The following CAMK2B variants were observed in gnomAD, a reference collection of about 807,000 sequenced individuals.
The protein encoded by CAMK2B is calcium/calmodulin dependent protein kinase II beta.
CAMK2B carries 27 observed loss-of-function variants against 93.7 expected under a neutral mutation model. That is an observed-to-expected ratio of 0.29 (90% confidence interval 0.21 to 0.40). The LOEUF is 0.40. Among genes scored for constraint, CAMK2B ranks in the 10% least tolerant of loss-of-function variants. The pLI, the probability that CAMK2B is intolerant of heterozygous loss-of-function variation, is 1.00. For synonymous variants in CAMK2B, 374 were observed against 358.8 expected, an observed-to-expected ratio of 1.04 and a Z score of -0.48; for missense variants, 568 against 895.8, an observed-to-expected ratio of 0.63 and a Z score of 4.67.
chr7:44,231,595 G>A (rs976232622), intron 16 of CAMK2B, among the ~76,000 whole-genome samples: 5 of 152,252 alleles, frequency 3.3e-5, no homozygotes, highest in South Asian at 2.1e-4. Flanking sequence ...AGGGTGAGGC[G>A]TTCCCAGGAG....
chr7:44,243,148 G>A, intron 8 of CAMK2B, 102 bp downstream of exon 8: 2 of 882,566 alleles, frequency 2.3e-6, no homozygotes, highest in South Asian at 1.6e-5. Context: ...GATAAACCCA[G>A]ATGAGAGCAA....
chr7:44,304,700 G>C (rs981545576), intron 1 of CAMK2B, among the ~76,000 whole-genome samples: 1 of 152,210 alleles, frequency 6.6e-6, no homozygotes, highest in African/African-American at 2.4e-5. Flanking sequence ...ATTTGTCCAA[G>C]CTCATATAAT....
rs9691106 is a variant in CAMK2B, at chr7:44,311,659, G to A, written c.65+13698C>T. Reference sequence around the variant, plus strand: ...CTGTCCTGCCCCTGCGAGCACCACAGCCTGGCTCTGCGGTTCTGAGCTGTG... The same window carrying A: ...CTGTCCTGCCCCTGCGAGCACCACAACCTGGCTCTGCGGTTCTGAGCTGTG... On this transcript the variant is annotated intron_variant, in intron 1 of 23. Coordinates refer to ENST00000395749, the MANE Select transcript of CAMK2B (RefSeq NM_001220.5). This position sits in a 1 kb window ranked among gnomAD's most constrained non-coding sequence, Gnocchi z 4.2. Among the ~76,000 whole-genome samples, 63,673 of 151,978 alleles carry A rather than the reference G, an allele frequency of 0.42. 13,710 individuals carry two copies. Among genetic ancestry groups the A allele is most frequent in the Middle Eastern group, 0.5 (148 of 294 alleles).
chr7:44,235,783 C>CG (rs1562845389), intron 13 of CAMK2B, among the ~76,000 whole-genome samples: 1 of 152,192 alleles, frequency 6.6e-6, no homozygotes, highest in Non-Finnish European at 1.5e-5. Flanking sequence ...TGCTTGCCCC[C>CG]GGGCCAAGCC....
chr7:44,277,057 T>A (rs2097053265), intron 2 of CAMK2B, among the ~76,000 whole-genome samples: 1 of 152,068 alleles, frequency 6.6e-6, no homozygotes. Context: ...CCCGCTGCAC[T>A]GCTTCCTACG....
intron 5 of CAMK2B, among the ~76,000 whole-genome samples, chr7:44,247,712 A>G (rs2096745298): frequency 6.6e-6 from 1 of 152,188 alleles, no homozygotes; most frequent in South Asian, 2.1e-4. Context: ...GTGCTCGGGC[A>G]CATGTTATTT....
At chr7:44,275,589 T>G (rs1193277177) in intron 2 of CAMK2B, among the ~76,000 whole-genome samples, 1 of 152,274 alleles carries the variant, frequency 6.6e-6, no homozygotes, top group Non-Finnish European at 1.5e-5. Context: ...GGTATAAGTT[T>G]GTCTCAATTT....
chr7:44,314,711 C>T (rs538964174), intron 1 of CAMK2B, among the ~76,000 whole-genome samples: 64 of 152,196 alleles, frequency 4.2e-4, no homozygotes, highest in Non-Finnish European at 8.4e-4. Context: ...TCCTCACCAG[C>T]AATGAATGAG....
intron 2 of CAMK2B, 83 bp from the exon 3 acceptor site, chr7:44,263,147 A>C: frequency 7.6e-7 from 1 of 1,323,366 alleles, no homozygotes; most frequent in South Asian, 1.3e-5. Flanking sequence ...AGAGGCCCAC[A>C]AGGGTGTGCC....
intron 1 of CAMK2B, among the ~76,000 whole-genome samples, chr7:44,306,754 G>T (rs112385059): frequency 7.9e-6 from 1 of 126,668 alleles, no homozygotes; most frequent in Non-Finnish European, 1.7e-5. Flanking sequence ...GGAGGGTGTG[G>T]GCAGGGGGAG....
At chr7:44,322,060 T>C (rs575607516) in intron 1 of CAMK2B, among the ~76,000 whole-genome samples, 248 of 152,328 alleles carry the variant, frequency 1.6e-3, no homozygotes, top group African/African-American at 5.4e-3. Flanking sequence ...GGCCACAGTG[T>C]GCTGAGTGAC....
intron 1 of CAMK2B, 37 bp from the exon 2 acceptor site, chr7:44,284,262 GAGAC>G (rs750540366): frequency 1.0e-4 from 146 of 1,407,292 alleles, no homozygotes; most frequent in Middle Eastern, 5.3e-4. Context: ...GACAGAGACA[GAGAC>G]AGACAAGGAG....
rs756807799 is a variant in CAMK2B, at chr7:44,247,195, G to A, written c.342-3C>T. ...CCAGGATCTGCTGGATACAGTGACT[G>A]TGGCAAACAGCAGGTGGGTTAGTGC... is the stretch of plus-strand genomic sequence containing the variant. On this transcript the variant is annotated splice_polypyrimidine_tract_variant and splice_region_variant and intron_variant, in intron 5 of 23. Coordinates refer to ENST00000395749, the MANE Select transcript of CAMK2B (RefSeq NM_001220.5). The A allele has an allele frequency of 2.5e-6, 4 of 1,613,884 alleles. No individual in the cohort carries two copies. The highest frequency in any genetic ancestry group is 4.5e-5 in the East Asian group (2 of 44,880).
At chr7:44,222,229 C>G (rs2096417243) in intron 20 of CAMK2B, among the ~76,000 whole-genome samples, 1 of 152,214 alleles carries the variant, frequency 6.6e-6, no homozygotes, top group South Asian at 2.1e-4. Flanking sequence ...TGGGGGAAGT[C>G]TCTGCACTCC....
At chr7:44,221,214 GTCACC>G (rs1289710779) in intron 20 of CAMK2B, among the ~76,000 whole-genome samples, 2 of 152,222 alleles carry the variant, frequency 1.3e-5, no homozygotes, top group Admixed American at 1.3e-4. Flanking sequence ...CCACTTGGAG[GTCACC>G]TCCTGGCCCC....
In CAMK2B at chr7:44,311,823, C is replaced by T. The variant is rs1054880806; in HGVS notation, c.65+13534G>A. Among the ~76,000 whole-genome samples the T allele has an allele frequency of 2.0e-5, 3 of 152,224 alleles. No homozygotes were observed. The highest frequency in any genetic ancestry group is 2.4e-5 in the African/African-American group (1 of 41,456). The stretch of plus-strand genomic sequence containing the variant: ...GAAGGGGTGTGTGACTGACTCTGCC[C>T]TACCCCCACTCTGGGCAGGGAAGGG... On this transcript the variant is annotated intron_variant, in intron 1 of 23. Transcript: ENST00000395749. This position sits in a 1 kb window ranked among gnomAD's most constrained non-coding sequence, Gnocchi z 4.2.
intron 2 of CAMK2B, among the ~76,000 whole-genome samples, chr7:44,283,555 A>G (rs548922984): frequency 6.6e-6 from 1 of 152,354 alleles, no homozygotes; most frequent in South Asian, 2.1e-4. Flanking sequence ...GTGCCCTGCC[A>G]CTATGTAGAA....
intron 7 of CAMK2B, 42 bp from the exon 8 acceptor site, chr7:44,243,375 C>T: frequency 6.2e-7 from 1 of 1,611,438 alleles, no homozygotes; most frequent in East Asian, 2.2e-5. Flanking sequence ...GTCAGCATCA[C>T]CTCCTGCCCT....
upstream of CAMK2B, chr7:44,325,691 G>T (rs1241074654): frequency 2.6e-5 from 1 of 38,394 alleles, no homozygotes; most frequent in Non-Finnish European, 5.5e-5. Flanking sequence ...CGCCCCGCCC[G>T]CCGCCCCCTG....
Sources: allele counts gnomAD v4.1 joint callset (sites outside exome capture counted in the v4.1 genomes callset), GRCh38; gene constraint gnomAD v4.1.1; non-coding constraint Gnocchi (gnomAD v3.1); transcripts MANE v1.5; gene names NCBI Gene and HGNC (gene_info 2026-07-23, HGNC 2026-07-21).